TCHP: variants seen among roughly 807,000 people sequenced by gnomAD.
TCHP encodes trichoplein keratin filament binding, also known as trichoplein keratin filament-binding protein.
A neutral mutation model predicts 88.7 loss-of-function variants in TCHP; 81 were observed. The observed-to-expected ratio is 0.91, with a 90% CI of 0.76 to 1.10. The LOEUF (loss-of-function observed/expected upper bound fraction) is 1.10. Among genes scored for constraint, TCHP ranks in the 50% least tolerant of loss-of-function variants. The pLI is 0.00. For synonymous variants in TCHP, 232 were observed against 232.5 expected (o/e 1.00, Z 0.02); for missense variants, 641 against 632.1 (o/e 1.01, Z -0.15).
the TCHP span, among the ~76,000 whole-genome samples, chr12:109,888,834 TA>T: frequency 1.3e-5 from 2 of 152,200 alleles, no homozygotes; most frequent in African/African-American, 4.8e-5. Flanking sequence ...CTCACAGTTC[TA>T]AAAGCCAGAA....
Position 109,916,658 on chromosome 12 carries a change from T to G in TCHP, c.*35T>G. ...TACCATAAGTACAGAGAACAAGGGA[T>G]GCTGAGGCTTCTGATCCCAGCCGCC... On this transcript the variant is annotated 3_prime_UTR_variant, in exon 13 of 13. Coordinates refer to ENST00000405876, the MANE Select transcript of TCHP (RefSeq NM_001143852.2). 6.2e-7 allele frequency: 1 copy of G among 1,605,706 alleles called. No homozygotes were observed. Among genetic ancestry groups the G allele is most frequent in the Non-Finnish European group, 8.5e-7 (1 of 1,176,974 alleles).
In TCHP at chr12:109,908,638, TAG is replaced by T; in HGVS notation, c.757_758del (p.Arg253AlafsTer26). 6.2e-7 allele frequency: 1 copy of T among 1,602,770 alleles called. No individual in the cohort carries two copies. The highest frequency in any genetic ancestry group is 8.5e-7 in the Non-Finnish European group (1 of 1,176,060). The stretch of plus-strand genomic sequence containing the variant: ...AATCTGTTGAAGCAGCGGTGGGAGC[TAG>T]AGAGGCTGGAGGAAGAGCGAAAGCA... On this transcript the variant is annotated frameshift_variant, in exon 7 of 13. Transcript: ENST00000405876. LOFTEE classifies it high-confidence loss of function.
chr12:109,914,316 G>C, intron 10 of TCHP, 126 bp from the exon 11 acceptor site: 1 of 783,310 alleles, frequency 1.3e-6, no homozygotes, highest in Non-Finnish European at 2.0e-6. Context: ...CTGCCTCTGC[G>C]TACCTGGGCC....
At chr12:109,913,463 G>A (rs776801598) in intron 10 of TCHP, among the ~76,000 whole-genome samples, 4 of 152,154 alleles carry the variant, frequency 2.6e-5, no homozygotes, top group East Asian at 1.9e-4. Flanking sequence ...TCTGTCACCC[G>A]CTGCCTTTCC....
chr12:109,915,568 A>G, intron 12 of TCHP, 22 bp downstream of exon 12: 2 of 1,598,364 alleles, frequency 1.3e-6, no homozygotes, highest in Non-Finnish European at 1.7e-6. Context: ...GCCAGGATAT[A>G]GGCCAACACC....
At chr12:109,909,509 C>T (rs1321473212) in intron 8 of TCHP, among the ~76,000 whole-genome samples, 1 of 152,188 alleles carries the variant, frequency 6.6e-6, no homozygotes, top group Non-Finnish European at 1.5e-5. Context: ...CTTCAATTAA[C>T]ACTAAATCTC....
intron 9 of TCHP, among the ~76,000 whole-genome samples, chr12:109,911,487 C>G (rs372193599): frequency 2.6e-5 from 4 of 151,862 alleles, no homozygotes; most frequent in African/African-American, 9.7e-5. Context: ...GTTGTTCATA[C>G]CTGTAGTTCC....
chr12:109,892,240 G>C, the TCHP span, among the ~76,000 whole-genome samples: 1 of 152,148 alleles, frequency 6.6e-6, no homozygotes, highest in Non-Finnish European at 1.5e-5. Context: ...GAAAAATACA[G>C]TATGTCCTGA....
At chr12:109,901,583 G>T (rs1267822373) in intron 1 of TCHP, among the ~76,000 whole-genome samples, 1 of 152,190 alleles carries the variant, frequency 6.6e-6, no homozygotes, top group Non-Finnish European at 1.5e-5. Context: ...TTGCTCAAAA[G>T]ATAACACCAT....
chr12:109,887,722 C>G, the TCHP span: 1 of 152,352 alleles, frequency 6.6e-6, no homozygotes, highest in Non-Finnish European at 1.5e-5. Flanking sequence ...CTGGCCACCC[C>G]CTCCCCATGC....
Position 109,907,800 on chromosome 12 carries a change from T to A in TCHP, c.699+101T>A, listed in dbSNP as rs1355044318. On this transcript the variant is annotated intron_variant, in intron 6 of 12. Coordinates refer to ENST00000405876, the MANE Select transcript of TCHP (RefSeq NM_001143852.2). Reference sequence around the variant, plus strand: ...CCCTAAGAAGAGGCCATAGCAGGGCTGAGATTCTGCAAAGGGCGGCAGCAG... The same window carrying A: ...CCCTAAGAAGAGGCCATAGCAGGGCAGAGATTCTGCAAAGGGCGGCAGCAG... The A allele has an allele frequency of 2.2e-6, 3 of 1,339,948 alleles. No homozygotes were observed. The African/African-American group carries it at 4.4e-5, about 20-fold the overall frequency. The allele number at this position is 1,339,948 out of a possible 1,614,324, so 83.0% of individuals were successfully genotyped here. A position where few individuals can be genotyped will look rare whatever the true frequency, so the allele number is the denominator to read the frequency against.
chr12:109,912,925 G>A (rs748842849), intron 9 of TCHP, 66 bp from the exon 10 acceptor site: 34 of 1,402,488 alleles, frequency 2.4e-5, no homozygotes, highest in Admixed American at 3.4e-5. Flanking sequence ...AGCCCTGTCT[G>A]TTCCGTAGCT....
chr12:109,915,566 A>T lies in TCHP; in HGVS notation c.1464+20A>T. Reference sequence around the variant, plus strand: ...CCTAAGGTAGGAAGTCTGCCAGGATATAGGCCAACACCGGCAAGACAGACT... The same window carrying T: ...CCTAAGGTAGGAAGTCTGCCAGGATTTAGGCCAACACCGGCAAGACAGACT... On this transcript the variant is annotated intron_variant, in intron 12 of 12. Coordinates refer to ENST00000405876, the MANE Select transcript of TCHP (RefSeq NM_001143852.2). The T allele has an allele frequency of 6.2e-7, 1 of 1,601,124 alleles. No homozygotes were observed. Among genetic ancestry groups the T allele is most frequent in the Non-Finnish European group, 8.5e-7 (1 of 1,172,756 alleles).
chr12:109,911,703 C>T (rs1870506170), intron 9 of TCHP, among the ~76,000 whole-genome samples: 1 of 151,804 alleles, frequency 6.6e-6, no homozygotes. Context: ...TGGACCTGGC[C>T]TCTGGGGGTG....
At chr12:109,883,821 T>C in the TCHP span, among the ~76,000 whole-genome samples, 1 of 152,226 alleles carries the variant, frequency 6.6e-6, no homozygotes, top group Non-Finnish European at 1.5e-5. Flanking sequence ...TGCTCTGAGA[T>C]AATGCAGCAT....
At chr12:109,895,846 C>T (rs1193482338), upstream of TCHP, among the ~76,000 whole-genome samples, 3 of 152,144 alleles carry the variant, frequency 2.0e-5, no homozygotes, top group East Asian at 5.8e-4. Context: ...CTCCAACCTG[C>T]GGGTTCCTAC....
intron 12 of TCHP, among the ~76,000 whole-genome samples, chr12:109,916,372 A>C (rs1870817644): frequency 6.6e-6 from 1 of 152,248 alleles, no homozygotes; most frequent in African/African-American, 2.4e-5. Flanking sequence ...TGTCAGGGTC[A>C]GGGTTTCACA....
In TCHP at chr12:109,911,048, C is replaced by T. The variant is rs1203056047; in HGVS notation, c.880-15C>T. ...CTGTCCAGCCCAGCCACGTGCCGCC[C>T]TCTGCTTCCTCTAGGAGGCAGACAG... On this transcript the variant is annotated splice_polypyrimidine_tract_variant and intron_variant, in intron 8 of 12. Coordinates refer to ENST00000405876, the MANE Select transcript of TCHP (RefSeq NM_001143852.2). 23 of 1,546,198 alleles carry T rather than the reference C, an allele frequency of 1.5e-5. No individual in the cohort carries two copies. The highest frequency in any genetic ancestry group is 2.0e-5 in the Non-Finnish European group (23 of 1,144,032).
the TCHP span, among the ~76,000 whole-genome samples, chr12:109,889,969 C>T: frequency 2.2e-4 from 34 of 152,238 alleles, no homozygotes; most frequent in Admixed American, 5.2e-4. Context: ...AAGGCGCACC[C>T]GCCAACAGGC....
Sources: allele counts gnomAD v4.1 joint callset (sites outside exome capture counted in the v4.1 genomes callset), GRCh38; gene constraint gnomAD v4.1.1; transcripts MANE v1.5; gene names NCBI Gene and HGNC (gene_info 2026-07-23, HGNC 2026-07-21).